Variants in NAV3 observed in about 807,000 individuals in gnomAD.
The protein encoded by NAV3 is neuron navigator 3.
A neutral mutation model predicts 244.7 loss-of-function variants in NAV3; 87 were observed. The ratio of observed to expected loss-of-function variants is 0.36; its 90% CI spans 0.30 to 0.42. NAV3 has a LOEUF of 0.42. Ranked by LOEUF, NAV3 falls within the 20% of genes least tolerant of loss-of-function variation. NAV3 has a pLI of 1.00. For missense variants in NAV3, 2,663 were observed against 2,893.3 expected (o/e 0.92, Z 1.83); for synonymous variants, 1,126 against 1,042.2 (o/e 1.08, Z -1.55).
At chr12:77,956,539 A>G (rs1891377469) in intron 3 of NAV3, among the ~76,000 whole-genome samples, 2 of 152,120 alleles carry the variant, frequency 1.3e-5, no homozygotes, top group South Asian at 2.1e-4. Context: ...GCAGGGTTTG[A>G]GTCCAATGGG....
At chr12:77,902,717 A>G (rs1286900998) in intron 1 of NAV3, among the ~76,000 whole-genome samples, 1 of 152,200 alleles carries the variant, frequency 6.6e-6, no homozygotes, top group Non-Finnish European at 1.5e-5. Context: ...CTGTTTGCAG[A>G]TGACATGATT....
chr12:78,155,000 A>C (rs1229195717), intron 22 of NAV3, among the ~76,000 whole-genome samples: 1 of 152,058 alleles, frequency 6.6e-6, no homozygotes, highest in Non-Finnish European at 1.5e-5. Flanking sequence ...AAGGTGAGAT[A>C]AATTTAAGAC....
intron 2 of NAV3, among the ~76,000 whole-genome samples, chr12:77,668,737 G>A (rs993830766): frequency 6.6e-6 from 1 of 152,118 alleles, no homozygotes; most frequent in Non-Finnish European, 1.5e-5. Context: ...GAATAATGGA[G>A]GAAAACGTCG....
intron 3 of NAV3, among the ~76,000 whole-genome samples, chr12:77,960,552 A>G (rs1891807384): frequency 6.7e-6 from 1 of 149,534 alleles, no homozygotes; most frequent in African/African-American, 2.4e-5. Flanking sequence ...CATATGATAT[A>G]GACTTTAATA....
At chr12:77,647,576 A>T (rs1872658718) in intron 2 of NAV3, among the ~76,000 whole-genome samples, 1 of 152,040 alleles carries the variant, frequency 6.6e-6, no homozygotes, top group African/African-American at 2.4e-5. Flanking sequence ...TCATTCTAGA[A>T]ACACTTGAAA....
At chr12:78,070,539 T>C (rs1952704699) in intron 12 of NAV3, among the ~76,000 whole-genome samples, 1 of 152,072 alleles carries the variant, frequency 6.6e-6, no homozygotes, top group Non-Finnish European at 1.5e-5. Flanking sequence ...CTAATAGATA[T>C]GCTGTTTAAA....
chr12:77,572,850 A>T (rs1311972261), intron 2 of NAV3, among the ~76,000 whole-genome samples: 1 of 152,242 alleles, frequency 6.6e-6, no homozygotes, highest in Non-Finnish European at 1.5e-5. Flanking sequence ...GCGTTTAGCG[A>T]GCTTTTTAGT....
rs370977616 is a variant in NAV3, at chr12:78,103,541, G to A, written c.2637-13231G>A. ...TTGGATATCTTTTCAGCAATGCCCC[G>A]CTCTACTGGTACCAACTTACTTTGT... On this transcript the variant is annotated intron_variant, in intron 12 of 39. Transcript: ENST00000397909. 4.0e-3 allele frequency among the ~76,000 whole-genome samples: 605 copies of A among 152,118 alleles called. 1 individual carries two copies. The highest frequency in any genetic ancestry group is 0.024 in the Middle Eastern group (7 of 294).
intron 2 of NAV3, among the ~76,000 whole-genome samples, chr12:77,824,978 G>A (rs191529799): frequency 6.6e-6 from 1 of 152,234 alleles, no homozygotes; most frequent in East Asian, 1.9e-4. Context: ...TCAGAAGTTG[G>A]ATAATACAGT....
chr12:77,725,318 A>G (rs892946472), intron 2 of NAV3, among the ~76,000 whole-genome samples: 1 of 151,980 alleles, frequency 6.6e-6, no homozygotes, highest in Non-Finnish European at 1.5e-5. Context: ...CCATCAAACT[A>G]TGTAGACATT....
At chr12:78,120,085 C>A in intron 15 of NAV3, 140 bp downstream of exon 15, 1 of 473,282 alleles carries the variant, frequency 2.1e-6, no homozygotes, top group East Asian at 4.4e-5. Context: ...TTAAAGTACA[C>A]AGTGAGCTCT....
chr12:78,122,328 C>G lies in NAV3; in HGVS notation c.4138C>G (p.Leu1380Val), dbSNP rs892352602. The G allele has an allele frequency of 1.2e-6, 2 of 1,614,164 alleles. No individual in the cohort carries two copies. Among genetic ancestry groups the G allele is most frequent in the South Asian group, 1.1e-5 (1 of 91,078 alleles). Residue 1380 changes from leucine (L) to valine (V), a missense_variant, in exon 16 of 40, where the codon CTC (leucine) becomes GTC (valine). Physicochemically the swap from Leu to Val is conservative, Grantham distance 32. Transcript: ENST00000397909. The stretch of plus-strand genomic sequence containing the variant: ...GAGCTCTGAGTCCATTGACCTCCCC[C>G]TCAGCCATCATGGCTCCTTGTCTGG... ...HTSSESIDLP[L>V]SHHGSLSGLT...
chr12:78,059,701 A>T (rs1023892162), intron 12 of NAV3, among the ~76,000 whole-genome samples: 3 of 152,128 alleles, frequency 2.0e-5, no homozygotes, highest in Non-Finnish European at 2.9e-5. Context: ...CAGGTAACAT[A>T]GTTGCAAATG....
intron 2 of NAV3, among the ~76,000 whole-genome samples, chr12:77,662,828 A>G (rs1477632916): frequency 6.6e-6 from 1 of 152,174 alleles, no homozygotes; most frequent in Non-Finnish European, 1.5e-5. Context: ...TGACAATTAA[A>G]TATTAATAGA....
intron 2 of NAV3, among the ~76,000 whole-genome samples, chr12:77,730,576 G>A (rs1036853465): frequency 2.6e-5 from 4 of 151,760 alleles, no homozygotes; most frequent in Admixed American, 1.3e-4. Flanking sequence ...GTCTTGCATT[G>A]TTCTAGGTGC....
At chr12:78,171,131 G>T (rs1957982425) in intron 24 of NAV3, among the ~76,000 whole-genome samples, 1 of 151,682 alleles carries the variant, frequency 6.6e-6, no homozygotes, top group Admixed American at 6.6e-5. Flanking sequence ...TTAAATTGAA[G>T]GACAAAGTAG....
chr12:77,831,705 G>T lies in NAV3; in HGVS notation c.243+1G>T. The T allele has an allele frequency of 1.3e-6, 2 of 1,597,914 alleles. No homozygotes were observed. The highest frequency in any genetic ancestry group is 2.3e-5 in the South Asian group (2 of 88,158). ...AGCCAAGGAGAAAGAAGACAGCAAG[G>T]TTAGTTGCTGAAGTTACCTGCAGAC... On this transcript the variant is annotated splice_donor_variant, in intron 1 of 39. Coordinates refer to ENST00000397909, the MANE Select transcript of NAV3 (RefSeq NM_001024383.2). LOFTEE classifies it high-confidence loss of function.
intron 30 of NAV3, among the ~76,000 whole-genome samples, chr12:78,181,476 T>C (rs998720645): frequency 1.3e-5 from 2 of 152,062 alleles, no homozygotes; most frequent in Non-Finnish European, 2.9e-5. Context: ...AAAACAATAA[T>C]GCTACTGTCA....
At chr12:78,094,372 G>A (rs1048552738) in intron 12 of NAV3, among the ~76,000 whole-genome samples, 1 of 152,182 alleles carries the variant, frequency 6.6e-6, no homozygotes, top group African/African-American at 2.4e-5. Context: ...TTGTTAAACA[G>A]TGGACTGTTT....
Sources: allele counts gnomAD v4.1 joint callset (sites outside exome capture counted in the v4.1 genomes callset), GRCh38; gene constraint gnomAD v4.1.1; transcripts MANE v1.5; gene names NCBI Gene and HGNC (gene_info 2026-07-23, HGNC 2026-07-21).